Variants in SLC12A4 observed in about 807,000 individuals in gnomAD.
SLC12A4 encodes the protein electroneutral potassium-chloride cotransporter 1.
Under a neutral mutation model 119.2 loss-of-function variants are expected in SLC12A4, and 84 were observed. That is an observed-to-expected ratio of 0.70 (90% CI 0.59 to 0.85). The LOEUF (loss-of-function observed/expected upper bound fraction) is 0.85. SLC12A4 is among the 40% of genes least tolerant of loss of function. The pLI is 0.00. For synonymous variants in SLC12A4, 599 were observed against 604.6 expected (o/e 0.99, Z 0.14); for missense variants, 1,298 against 1,476.3 (o/e 0.88, Z 1.98).
At chr16:67,968,665 T>A, upstream of SLC12A4, 2 of 1,282,040 alleles carry the variant, frequency 1.6e-6, no homozygotes, top group Non-Finnish European at 2.0e-6. Context: ...TCCTCCCCGC[T>A]GCGCTCACTT....
At position 67,946,242 on chromosome 16, in the gene SLC12A4, T is replaced by C. The variant is rs1350400492; in HGVS notation, c.2536A>G (p.Ile846Val). 6.2e-7 allele frequency: 1 copy of C among 1,613,776 alleles called. No homozygotes were observed. The highest frequency in any genetic ancestry group is 1.3e-5 in the African/African-American group (1 of 74,946). Reference sequence around the variant, plus strand: ...TCGTGCACGATCCACCACACGTCTATGTGGCCCTCCAGGTAGCGCTCGTGG... The same window carrying C: ...TCGTGCACGATCCACCACACGTCTACGTGGCCCTCCAGGTAGCGCTCGTGG... The part of the protein sequence containing the change: ...SNHERYLEGH[I>V]DVWWIVHDGG... Residue 846 changes from isoleucine (I) to valine (V), a missense_variant, in exon 19 of 24, where the codon ATA (isoleucine) becomes GTA (valine). Coordinates refer to ENST00000316341, the MANE Select transcript of SLC12A4 (RefSeq NM_005072.5).
rs12925989 is a variant in SLC12A4 at position 67,968,619 on chromosome 16, C to T, written c.-66G>A. 1.8e-5 allele frequency: 24 copies of T among 1,345,776 alleles called. 1 individual carries two copies. In the South Asian group the frequency reaches 4.3e-4, roughly 24 times the overall value. The allele number at this position is 1,345,776 out of a possible 1,614,324, so 83.4% of individuals were successfully genotyped here. A position where few individuals can be genotyped will look rare whatever the true frequency, so the allele number is the denominator to read the frequency against. On this transcript the variant is annotated 5_prime_UTR_variant, in exon 1 of 24. Transcript: ENST00000316341. ...CCGCCGCTGTCCCCGCCGCTGTCCC[C>T]GCCGCCCCGGGCCGACACGCCCCGC...
At chr16:67,947,169 T>A (rs1049065024) in intron 16 of SLC12A4, 64 bp from the exon 17 acceptor site, 3 of 1,530,440 alleles carry the variant, frequency 2.0e-6, no homozygotes, top group Non-Finnish European at 2.6e-6. Context: ...CCCCTCCTCT[T>A]CTTCCCTTCT....
rs780826348 is a variant in SLC12A4 at position 67,946,060 on chromosome 16, C to G, written c.2630G>C (p.Arg877Pro). The G allele has an allele frequency of 6.2e-7, 1 of 1,613,878 alleles. No individual in the cohort carries two copies. Among genetic ancestry groups the G allele is most frequent in the Non-Finnish European group, 8.5e-7 (1 of 1,179,934 alleles). ...ATCCATCTGGGCCACTGTGAAGATGCGCATCCGGCACTTCCTCCAGACCTG... is the reference window on the plus strand; with the variant it reads ...ATCCATCTGGGCCACTGTGAAGATGGGCATCCGGCACTTCCTCCAGACCTG... ...QHKVWRKCRM[R>P]IFTVAQMDDN... The change falls in exon 20 of 24, where the codon CGC becomes CCC. Residue 877 changes from arginine (R) to proline (P), a missense_variant. Arg to Pro is a moderately radical substitution (Grantham distance 103). Coordinates refer to ENST00000316341, the MANE Select transcript of SLC12A4 (RefSeq NM_005072.5).
Position 67,961,647 on chromosome 16 carries a change from G to C in SLC12A4, c.270C>G (p.Thr90=). ...GCTCTTTGGCGCCCTGGGTGAGGTTGGTGTAGCTGACGAGCTTTCCCAGAA... is the reference window on the plus strand; with the variant it reads ...GCTCTTTGGCGCCCTGGGTGAGGTTCGTGTAGCTGACGAGCTTTCCCAGAA... ...SSLLGKLVSY[T]NLTQGAKEHE... is the part of the protein sequence containing the mutation. Residue 90 remains threonine (T), a synonymous_variant, in exon 3 of 24, where the codon ACC becomes ACG. Transcript: ENST00000316341. 1 of 1,614,196 alleles carries C rather than the reference G, an allele frequency of 6.2e-7. No individual in the cohort carries two copies. Among genetic ancestry groups the C allele is most frequent in the Non-Finnish European group, 8.5e-7 (1 of 1,180,016 alleles).
Position 67,951,441 on chromosome 16 carries a change from G to A in SLC12A4, c.1133-137C>T. 7 of 943,484 alleles carry A rather than the reference G, an allele frequency of 7.4e-6. No homozygotes were observed. The highest frequency in any genetic ancestry group is 9.4e-6 in the Non-Finnish European group (6 of 641,512). 58.4% of individuals were successfully genotyped at this position (943,484 alleles called of 1,614,324 possible). On this transcript the variant is annotated intron_variant, in intron 8 of 23. Coordinates refer to ENST00000316341, the MANE Select transcript of SLC12A4 (RefSeq NM_005072.5). The surrounding 1 kb of genome is among the most constrained non-coding windows in gnomAD (Gnocchi z 5.2). ...CTTCAGCCCAATGACTGCAGCGTCA[G>A]CCACAGGGCTACCCTGACCACAGAG...
At chr16:67,961,779 T>A in intron 2 of SLC12A4, 73 bp from the exon 3 acceptor site, 6 of 1,583,782 alleles carry the variant, frequency 3.8e-6, no homozygotes, top group Non-Finnish European at 5.2e-6. Flanking sequence ...AGCTGCCTGG[T>A]CCCTGGCCCT....
chr16:67,965,660 A>C (rs562351949), intron 1 of SLC12A4, among the ~76,000 whole-genome samples: 1 of 152,174 alleles, frequency 6.6e-6, no homozygotes, highest in East Asian at 1.9e-4. Context: ...CTGTATTGCT[A>C]TCCAGAAAAT....
Position 67,950,831 on chromosome 16 carries a change from T to G in SLC12A4, c.1397-120A>C. ...ACAGCTGGGAGTCTCGTGGTGTGTA[T>G]GTGCATGTGTGCATGAGAAGGGGAG... On this transcript the variant is annotated intron_variant, in intron 10 of 23. Coordinates refer to ENST00000316341, the MANE Select transcript of SLC12A4 (RefSeq NM_005072.5). The surrounding 1 kb of genome is among the most constrained non-coding windows in gnomAD (Gnocchi z 4.3). 2 of 1,414,832 alleles carry G rather than the reference T, an allele frequency of 1.4e-6. No individual in the cohort carries two copies. Among genetic ancestry groups the G allele is most frequent in the Non-Finnish European group, 2.0e-6 (2 of 1,018,768 alleles). The allele number at this position is 1,414,832 out of a possible 1,614,324, so 87.6% of individuals were successfully genotyped here. A position where few individuals can be genotyped will look rare whatever the true frequency, so the allele number is the denominator to read the frequency against.
intron 1 of SLC12A4, chr16:67,966,978 C>T: frequency 1.7e-6 from 2 of 1,183,626 alleles, no homozygotes; most frequent in East Asian, 3.0e-5. Flanking sequence ...CCCACTGGTC[C>T]AGGCTGATCC....
chr16:67,945,902 C>G (rs747911692), intron 20 of SLC12A4, 31 bp from the exon 21 acceptor site: 1 of 1,613,320 alleles, frequency 6.2e-7, no homozygotes, highest in African/African-American at 1.3e-5. Context: ...GAGGACCCAG[C>G]TGCACGGGAC....
In SLC12A4 at chr16:67,951,698, G is replaced by C; in HGVS notation, c.1132+125C>G. The C allele has an allele frequency of 1.2e-6, 1 of 867,850 alleles. No individual in the cohort carries two copies. The highest frequency in any genetic ancestry group is 2.7e-5 in the East Asian group (1 of 37,670). 53.8% of individuals were successfully genotyped at this position (867,850 alleles called of 1,614,324 possible). On this transcript the variant is annotated intron_variant, in intron 8 of 23. Transcript: ENST00000316341. The surrounding 1 kb of genome is among the most constrained non-coding windows in gnomAD (Gnocchi z 5.2). ...CCAGGAGCCAGGCTGGGAGGACACT[G>C]GGGGGCTGGGAAGGCGGCCAGTCCT...
At position 67,950,157 on chromosome 16, in the gene SLC12A4, G is replaced by A; in HGVS notation, c.1629+162C>T. 2 of 835,176 alleles carry A rather than the reference G, an allele frequency of 2.4e-6. No homozygotes were observed. Among genetic ancestry groups the A allele is most frequent in the South Asian group, 3.6e-5 (2 of 55,888 alleles). 51.7% of individuals were successfully genotyped at this position (835,176 alleles called of 1,614,324 possible). A position where few individuals can be genotyped will look rare whatever the true frequency, so the allele number is the denominator to read the frequency against. ...TCCAGGCAGCTCCAGGCCCAGGTGA[G>A]TGCCAGGCCCAGGGCACTTCTCAGT... On this transcript the variant is annotated intron_variant, in intron 12 of 23. Transcript: ENST00000316341. This position sits in a 1 kb window ranked among gnomAD's most constrained non-coding sequence, Gnocchi z 4.3.
intron 4 of SLC12A4, 47 bp from the exon 5 acceptor site, chr16:67,957,843 G>A (rs1451529771): frequency 1.2e-6 from 2 of 1,614,016 alleles, no homozygotes; most frequent in Non-Finnish European, 1.7e-6. Context: ...GGTGGGCTCT[G>A]TGGGGGCAGC....
At position 67,945,479 on chromosome 16, in the gene SLC12A4, T is replaced by G; in HGVS notation, c.2922A>C (p.Ala974=). The change falls in exon 22 of 24, where the codon GCA becomes GCC. Residue 974 remains alanine, a synonymous_variant. Transcript: ENST00000316341. ...SLYSDEEDES[A]VGADKIQMTW... ...TCATCTGGATCTTGTCAGCCCCCACTGCAGACTCATCTTCCTCGTCCGAGT... is the reference window on the plus strand; with the variant it reads ...TCATCTGGATCTTGTCAGCCCCCACGGCAGACTCATCTTCCTCGTCCGAGT... 6.2e-7 allele frequency: 1 copy of G among 1,614,042 alleles called. No homozygotes were observed. The highest frequency in any genetic ancestry group is 8.5e-7 in the Non-Finnish European group (1 of 1,179,998).
rs1481724814 is a variant in SLC12A4 at position 67,949,281 on chromosome 16, C to T, written c.1748+519G>A. ...CCTGGCCAAGATGGTAAAACGCCAT[C>T]TCTACTAAAAATACAAAAAATTAGC... On this transcript the variant is annotated intron_variant, in intron 13 of 23. Transcript: ENST00000316341. This position sits in a 1 kb window ranked among gnomAD's most constrained non-coding sequence, Gnocchi z 4.6. 6.6e-6 allele frequency among the ~76,000 whole-genome samples: 1 copy of T among 152,164 alleles called. No homozygotes were observed. Among genetic ancestry groups the T allele is most frequent in the East Asian group, 1.9e-4 (1 of 5,194 alleles).
At chr16:67,956,427 C>T (rs916628835) in intron 5 of SLC12A4, among the ~76,000 whole-genome samples, 3 of 151,520 alleles carry the variant, frequency 2.0e-5, no homozygotes, top group Non-Finnish European at 2.9e-5. Context: ...GGCTCACACC[C>T]GTAATCCCAG....
At chr16:67,952,096 C>G in intron 7 of SLC12A4, 59 bp from the exon 8 acceptor site, 1 of 1,608,110 alleles carries the variant, frequency 6.2e-7, no homozygotes, top group South Asian at 1.1e-5. Flanking sequence ...TGTGCCCACC[C>G]TGCAGTCTCT....
In SLC12A4 at chr16:67,945,186, C is replaced by T; in HGVS notation, c.3067G>A (p.Val1023Met). The change falls in exon 23 of 24, where the codon GTG (valine) becomes ATG (methionine). Residue 1023 changes from valine to methionine, a missense_variant. Val to Met is a conservative substitution (Grantham distance 21). Transcript: ENST00000316341. ...QSNVRRMHTA[V>M]KLNEVIVTRS... ...GTGACAATGACTTCATTGAGCTTCA[C>T]AGCAGTGTGCATGCGCCGCACATTG... is the stretch of plus-strand genomic sequence containing the variant. The T allele has an allele frequency of 1.9e-6, 3 of 1,578,486 alleles. No individual in the cohort carries two copies. The highest frequency in any genetic ancestry group is 2.3e-5 in the South Asian group (2 of 85,318).
Sources: allele counts gnomAD v4.1 joint callset (sites outside exome capture counted in the v4.1 genomes callset), GRCh38; gene constraint gnomAD v4.1.1; non-coding constraint Gnocchi (gnomAD v3.1); transcripts MANE v1.5; gene names NCBI Gene and HGNC (gene_info 2026-07-23, HGNC 2026-07-21).